Variants in RUNX3 observed in about 807,000 individuals in gnomAD.
RUNX3 encodes the protein runt-related transcription factor 3.
A neutral mutation model predicts 27.7 loss-of-function variants in RUNX3; 10 were observed. The ratio of observed to expected loss-of-function variants is 0.36; its 90% confidence interval spans 0.22 to 0.61. RUNX3 has a LOEUF of 0.61. Ranked by LOEUF, RUNX3 falls within the 20% of genes least tolerant of loss-of-function variation. RUNX3 has a pLI of 0.72. For missense variants in RUNX3, 469 were observed against 629.5 expected, an observed-to-expected ratio of 0.75 and a Z score of 2.73; for synonymous variants, 270 against 269.2, an observed-to-expected ratio of 1.00 and a Z score of -0.03.
chr1:24,918,045 C>T lies in RUNX3; in HGVS notation c.544+1195G>A, dbSNP rs548281071. On this transcript the variant is annotated intron_variant, in intron 3 of 4. Transcript: ENST00000308873. ...AGCTGACGGTGCAGGCCTGAGGATGCGTGCCGGGGCTCAGGGCTGGCAGAG... is the reference window on the plus strand; with the variant it reads ...AGCTGACGGTGCAGGCCTGAGGATGTGTGCCGGGGCTCAGGGCTGGCAGAG... 3.9e-5 allele frequency among the ~76,000 whole-genome samples: 6 copies of T among 152,300 alleles called. No homozygotes were observed. In the East Asian group the frequency reaches 7.7e-4, roughly 20 times the overall value.
intron 2 of RUNX3, among the ~76,000 whole-genome samples, chr1:24,947,284 G>A (rs989258684): frequency 2.6e-5 from 4 of 152,180 alleles, no homozygotes; most frequent in South Asian, 2.1e-4. Flanking sequence ...GCACTACCCC[G>A]AAACAAGGAC....
chr1:24,946,277 ACCAT>A (rs1417306267), intron 2 of RUNX3, among the ~76,000 whole-genome samples: 2 of 152,172 alleles, frequency 1.3e-5, no homozygotes, highest in Non-Finnish European at 2.9e-5. Context: ...GAAAATTAAA[ACCAT>A]CCATAATCCT....
chr1:24,936,810 T>G (rs567222017), intron 2 of RUNX3, among the ~76,000 whole-genome samples: 38 of 152,322 alleles, frequency 2.5e-4, no homozygotes, highest in African/African-American at 6.7e-4. Context: ...CAGAGGCCGA[T>G]GGCTCGGAGG....
chr1:24,955,771 G>A (rs913908896), intron 2 of RUNX3, among the ~76,000 whole-genome samples: 4 of 152,198 alleles, frequency 2.6e-5, no homozygotes, highest in Non-Finnish European at 5.9e-5. Flanking sequence ...GGGGGGGAGG[G>A]TGGTTCCTGA....
intron 2 of RUNX3, among the ~76,000 whole-genome samples, chr1:24,949,796 G>A (rs946748596): frequency 3.3e-5 from 5 of 152,266 alleles, no homozygotes; most frequent in African/African-American, 1.2e-4. Context: ...CTGGAGCGGG[G>A]GTTTGGCCTT....
At position 24,904,366 on chromosome 1, in the gene RUNX3, G is replaced by A. The variant is rs1437848742; in HGVS notation, c.704-1700C>T. Among the ~76,000 whole-genome samples the A allele has an allele frequency of 1.3e-5, 2 of 152,228 alleles. No homozygotes were observed. The highest frequency in any genetic ancestry group is 2.1e-4 in the South Asian group (1 of 4,836). ...GTACTCTGGCCCTGGGCGTGGATCC[G>A]AACGGAGTGATGCTCCTGGCTTAAG... On this transcript the variant is annotated intron_variant, in intron 4 of 4. Coordinates refer to ENST00000308873, the MANE Select transcript of RUNX3 (RefSeq NM_004350.3). This position sits in a 1 kb window ranked among gnomAD's most constrained non-coding sequence, Gnocchi z 5.7.
At chr1:24,935,595 G>A (rs1253313349) in intron 2 of RUNX3, among the ~76,000 whole-genome samples, 1 of 152,214 alleles carries the variant, frequency 6.6e-6, no homozygotes, top group African/African-American at 2.4e-5. Flanking sequence ...GGTTACCAGG[G>A]AAGGGGTTTC....
chr1:24,943,753 G>A lies in RUNX3; in HGVS notation c.59-13901C>T, dbSNP rs992310030. On this transcript the variant is annotated intron_variant, in intron 2 of 6. Transcript: ENST00000338888. This position sits in a 1 kb window ranked among gnomAD's most constrained non-coding sequence, Gnocchi z 4.6. ...GTGGGACCTCCGCTGGTCCCTGAAT[G>A]TCAGGCCCCCTGAGGGCAGGGTCCT... 6.6e-6 allele frequency among the ~76,000 whole-genome samples: 1 copy of A among 152,220 alleles called. No individual in the cohort carries two copies. The highest frequency in any genetic ancestry group is 6.5e-5 in the Admixed American group (1 of 15,290).
chr1:24,955,715 C>CA (rs1452093471), intron 2 of RUNX3, among the ~76,000 whole-genome samples: 1 of 152,152 alleles, frequency 6.6e-6, no homozygotes, highest in Non-Finnish European at 1.5e-5. Context: ...CTCTGAGTGT[C>CA]AGTTTCCCCA....
intron 1 of RUNX3, chr1:24,929,370 G>C (rs975995806): frequency 2.9e-6 from 2 of 701,604 alleles, no homozygotes; most frequent in African/African-American, 1.8e-5. Flanking sequence ...AGGTGGAGCG[G>C]GGCAACCCCG....
At position 24,923,860 on chromosome 1, in the gene RUNX3, G is replaced by A. The variant is rs550698106; in HGVS notation, c.439+3714C>T. 2.6e-5 allele frequency among the ~76,000 whole-genome samples: 4 copies of A among 152,250 alleles called. No homozygotes were observed. Among genetic ancestry groups the A allele is most frequent in the South Asian group, 2.1e-4 (1 of 4,816 alleles). On this transcript the variant is annotated intron_variant, in intron 2 of 4. Coordinates refer to ENST00000308873, the MANE Select transcript of RUNX3 (RefSeq NM_004350.3). This position sits in a 1 kb window ranked among gnomAD's most constrained non-coding sequence, Gnocchi z 5.9. ...CTTTTTAACCAGTTGATCACAGCTC[G>A]AGAGCTCATGTGCTTTTCATTTTCA...
chr1:24,948,519 A>T (rs2124354661), intron 2 of RUNX3, among the ~76,000 whole-genome samples: 1 of 152,134 alleles, frequency 6.6e-6, no homozygotes, highest in South Asian at 2.1e-4. Flanking sequence ...TCTGACCTGA[A>T]GGTGGGCACA....
chr1:24,902,040 C>T lies in RUNX3; in HGVS notation c.*82G>A. On this transcript the variant is annotated 3_prime_UTR_variant, in exon 5 of 5. Coordinates refer to ENST00000308873, the MANE Select transcript of RUNX3 (RefSeq NM_004350.3). The surrounding 1 kb of genome is among the most constrained non-coding windows in gnomAD (Gnocchi z 9.2). ...CCTGGAGCGCAGGTCCCATTCCCGC[C>T]CGGAGCCTCGGAGCCGGCCCATCAC... 1.5e-6 allele frequency: 2 copies of T among 1,342,856 alleles called. No individual in the cohort carries two copies. Among genetic ancestry groups the T allele is most frequent in the East Asian group, 2.5e-5 (1 of 39,532 alleles). The allele number at this position is 1,342,856 out of a possible 1,614,324, so 83.2% of individuals were successfully genotyped here.
At chr1:24,928,789 T>G in intron 1 of RUNX3, 2 of 299,280 alleles carry the variant, frequency 6.7e-6, no homozygotes, top group Non-Finnish European at 1.3e-5. Flanking sequence ...GTCGTCTTAA[T>G]GGGAGCAGGG....
intron 3 of RUNX3, among the ~76,000 whole-genome samples, chr1:24,917,979 G>A (rs1277066076): frequency 6.6e-6 from 1 of 152,244 alleles, no homozygotes; most frequent in African/African-American, 2.4e-5. Context: ...CTCAGCAGGA[G>A]GGAACCAGCA....
At chr1:24,961,462 A>T (rs918190309) in intron 2 of RUNX3, 2 of 152,220 alleles carry the variant, frequency 1.3e-5, no homozygotes, top group Non-Finnish European at 2.9e-5. Flanking sequence ...CCCACATAGG[A>T]GGCACCAAAT....
chr1:24,913,766 C>T (rs765563219), intron 3 of RUNX3, among the ~76,000 whole-genome samples: 2 of 152,216 alleles, frequency 1.3e-5, no homozygotes, highest in African/African-American at 4.8e-5. Flanking sequence ...CCTTCCCCAC[C>T]ACCAGCCTGG....
chr1:24,931,926 G>T (rs1201998171), upstream of RUNX3, among the ~76,000 whole-genome samples: 2 of 152,234 alleles, frequency 1.3e-5, no homozygotes, highest in African/African-American at 4.8e-5. Flanking sequence ...GCCCTCGGAC[G>T]CGCTGGCACG....
intron 2 of RUNX3, among the ~76,000 whole-genome samples, chr1:24,936,545 C>T (rs1011320017): frequency 2.0e-5 from 3 of 152,194 alleles, no homozygotes; most frequent in Non-Finnish European, 2.9e-5. Flanking sequence ...TCCAAATCCC[C>T]ATTTCTCAAA....
Sources: gnomAD v4.1 joint callset for allele counts (sites outside exome capture counted in the v4.1 genomes callset) on GRCh38, gnomAD v4.1.1 for gene constraint, Gnocchi (gnomAD v3.1) non-coding constraint, MANE v1.5 for transcripts, NCBI Gene and HGNC (gene_info 2026-07-23, HGNC 2026-07-21) for gene names.